The following NAT1 variants were observed in gnomAD, a reference collection of about 807,000 sequenced individuals.
The protein encoded by NAT1 is arylamine N-acetyltransferase 1.
For missense variants in NAT1, 400 were observed against 339.2 expected (o/e 1.18, Z -1.41); for synonymous variants, 144 against 122.6 (o/e 1.17, Z -1.16).
chr8:18,213,406 C>G (rs945323207), intron 1 of NAT1, among the ~76,000 whole-genome samples: 23 of 152,088 alleles, frequency 1.5e-4, no homozygotes, highest in Non-Finnish European at 2.6e-4. Context: ...TGTTAAAAAT[C>G]TTTTCATTGG....
chr8:18,171,097 G>A (rs1802080317), intron 2 of NAT1, among the ~76,000 whole-genome samples: 1 of 152,132 alleles, frequency 6.6e-6, no homozygotes, highest in South Asian at 2.1e-4. Context: ...GCTTGAGAGA[G>A]CATTTGAGAA....
upstream of NAT1, among the ~76,000 whole-genome samples, chr8:18,205,321 T>G (rs114144965): frequency 7.9e-3 from 1,208 of 152,238 alleles, 13 homozygotes; most frequent in African/African-American, 0.027. Flanking sequence ...TGCAATTGTG[T>G]GCATGGTCAT....
At chr8:18,218,937 A>C (rs534238279) in intron 1 of NAT1, among the ~76,000 whole-genome samples, 2 of 152,124 alleles carry the variant, frequency 1.3e-5, no homozygotes, top group African/African-American at 2.4e-5. Flanking sequence ...GTTTCTTTTG[A>C]GTAGCATCAT....
intron 2 of NAT1, among the ~76,000 whole-genome samples, chr8:18,199,280 C>T (rs1803364869): frequency 6.7e-6 from 1 of 148,438 alleles, no homozygotes; most frequent in Non-Finnish European, 1.5e-5. Flanking sequence ...CAACACTGCA[C>T]TCCAGCCTGG....
At chr8:18,201,905 C>G (rs1425714653) in intron 2 of NAT1, among the ~76,000 whole-genome samples, 5 of 152,202 alleles carry the variant, frequency 3.3e-5, no homozygotes, top group African/African-American at 9.6e-5. Flanking sequence ...AGGACTCCAC[C>G]TTGAAGTCAG....
At chr8:18,174,178 A>T (rs924864043) in intron 2 of NAT1, among the ~76,000 whole-genome samples, 1 of 152,152 alleles carries the variant, frequency 6.6e-6, no homozygotes, top group African/African-American at 2.4e-5. Flanking sequence ...CAAGTGTATG[A>T]CTAGATTAGC....
At chr8:18,198,177 T>C (rs963177180) in intron 2 of NAT1, among the ~76,000 whole-genome samples, 17 of 152,124 alleles carry the variant, frequency 1.1e-4, no homozygotes, top group Non-Finnish European at 2.1e-4. Flanking sequence ...AAAAAAAATC[T>C]GCTTTTCTTC....
At chr8:18,198,413 A>C (rs1226695009) in intron 2 of NAT1, among the ~76,000 whole-genome samples, 1 of 152,232 alleles carries the variant, frequency 6.6e-6, no homozygotes, top group Non-Finnish European at 1.5e-5. Flanking sequence ...TAAGATTCTT[A>C]AATCCCCTTC....
chr8:18,208,697 T>C (rs2157656), upstream of NAT1, among the ~76,000 whole-genome samples: 1 of 152,160 alleles, frequency 6.6e-6, no homozygotes, highest in Non-Finnish European at 1.5e-5. Flanking sequence ...GTGTGGGATT[T>C]TGCATTGGAG....
intron 2 of NAT1, among the ~76,000 whole-genome samples, chr8:18,179,841 A>G (rs1336005242): frequency 6.6e-6 from 1 of 152,192 alleles, no homozygotes; most frequent in Non-Finnish European, 1.5e-5. Context: ...AGACACACAG[A>G]AACACAAGGA....
At chr8:18,210,378 C>A (rs1803957813) in intron 1 of NAT1, among the ~76,000 whole-genome samples, 198 bp downstream of exon 1, 1 of 152,188 alleles carries the variant, frequency 6.6e-6, no homozygotes. Flanking sequence ...TTGATTCAAA[C>A]TGTTGGGTTT....
At chr8:18,178,927 A>G (rs527462376) in intron 2 of NAT1, among the ~76,000 whole-genome samples, 140 of 152,268 alleles carry the variant, frequency 9.2e-4, no homozygotes, top group African/African-American at 3.1e-3. Context: ...CAACCTCACT[A>G]AACAACAAGT....
chr8:18,217,007 G>C, intron 1 of NAT1: 2 of 1,528,072 alleles, frequency 1.3e-6, no homozygotes, highest in Non-Finnish European at 1.8e-6. Context: ...CAGTACCCTG[G>C]ATGCAGTACC....
At chr8:18,217,439 T>C (rs1170225964) in intron 1 of NAT1, among the ~76,000 whole-genome samples, 1 of 152,262 alleles carries the variant, frequency 6.6e-6, no homozygotes, top group Non-Finnish European at 1.5e-5. Flanking sequence ...GGGAGGAAGA[T>C]GCTGTGCCTG....
At chr8:18,197,886 A>ATACTT (rs1442856973) in intron 2 of NAT1, among the ~76,000 whole-genome samples, 1 of 150,772 alleles carries the variant, frequency 6.6e-6, no homozygotes, top group African/African-American at 2.4e-5. Flanking sequence ...AAGTATGTTT[A>ATACTT]TACTTTTTTT....
At chr8:18,173,146 GCACACACA>G (rs3038965) in intron 2 of NAT1, among the ~76,000 whole-genome samples, 7 of 146,534 alleles carry the variant, frequency 4.8e-5, no homozygotes, top group Admixed American at 2.0e-4. Context: ...ACACAGAGAT[GCACACACA>G]CACACACACA....
intron 2 of NAT1, among the ~76,000 whole-genome samples, chr8:18,176,504 A>G (rs1334032733): frequency 1.3e-5 from 2 of 152,066 alleles, no homozygotes; most frequent in East Asian, 1.9e-4. Flanking sequence ...TCAAATATCA[A>G]TTGGCCATAA....
At position 18,222,678 on chromosome 8, in the gene NAT1, A is replaced by T; in HGVS notation, c.631A>T (p.Thr211Ser). The part of the protein sequence containing the change: ...DFESMNTYLQ[T>S]SPSSVFTSKS... ...TGAGTCTATGAATACATACCTGCAG[A>T]CATCTCCATCATCTGTGTTTACTAG... Residue 211 changes from threonine (T) to serine (S), a missense_variant, in exon 3 of 3, where the codon ACA (threonine) becomes TCA (serine). Physicochemically the swap from Thr to Ser is moderately conservative, Grantham distance 58. Transcript: ENST00000307719. 1 of 1,614,024 alleles carries T rather than the reference A, an allele frequency of 6.2e-7. No individual in the cohort carries two copies. Among genetic ancestry groups the T allele is most frequent in the Admixed American group, 1.7e-5 (1 of 59,994 alleles).
intron 2 of NAT1, among the ~76,000 whole-genome samples, chr8:18,174,462 G>T (rs1188267834): frequency 2.6e-5 from 4 of 152,044 alleles, no homozygotes; most frequent in Non-Finnish European, 5.9e-5. Flanking sequence ...CCTTCATAAA[G>T]ATATTCAAGG....
Sources: allele counts gnomAD v4.1 joint callset (sites outside exome capture counted in the v4.1 genomes callset), GRCh38; gene constraint gnomAD v4.1.1; transcripts MANE v1.5; gene names NCBI Gene and HGNC (gene_info 2026-07-23, HGNC 2026-07-21).